ABCB10: variants seen among roughly 807,000 people sequenced by gnomAD.
ABCB10 encodes ATP binding cassette subfamily B member 10, also known as ATP-binding cassette sub-family B member 10, mitochondrial.
A neutral mutation model predicts 65.4 loss-of-function variants in ABCB10; 54 were observed. The ratio of observed to expected loss-of-function variants is 0.83; its 90% CI spans 0.66 to 1.04. ABCB10 has a LOEUF of 1.04. Among genes scored for constraint, ABCB10 ranks in the 50% least tolerant of loss-of-function variants. The probability of loss-of-function intolerance (pLI) is 0.00; values close to 1 mark genes in which losing one functional copy is unlikely to be tolerated. For missense variants in ABCB10, 846 were observed against 976.6 expected (o/e 0.87, Z 1.78); for synonymous variants, 418 against 406.5 (o/e 1.03, Z -0.34).
Position 229,547,680 on chromosome 1 carries a change from A to G in ABCB10, c.740T>C (p.Leu247Pro), listed in dbSNP as rs1663002388. 3 of 1,614,222 alleles carry G rather than the reference A, an allele frequency of 1.9e-6. No individual in the cohort carries two copies. Among genetic ancestry groups the G allele is most frequent in the Non-Finnish European group, 2.5e-6 (3 of 1,180,024 alleles). ...QTSGQRIVNR[L>P]RTSLFSSILR... is the part of the protein sequence containing the mutation. The stretch of plus-strand genomic sequence containing the variant: ...AATGGAGGAGAATAATGAAGTTCTC[A>G]GCCTATTCACAATGCGCTGACCTGC... The change falls in exon 3 of 13, where the codon CTG (leucine) becomes CCG (proline). Residue 247 changes from leucine (L) to proline (P), a missense_variant. By Grantham distance (98) the Leu-to-Pro change is moderately conservative. Coordinates refer to ENST00000344517, the MANE Select transcript of ABCB10 (RefSeq NM_012089.3).
intron 8 of ABCB10, among the ~76,000 whole-genome samples, chr1:229,529,667 C>CAAAAAAAA: frequency 4.3e-5 from 1 of 23,218 alleles, no homozygotes; most frequent in Non-Finnish European, 8.1e-5. Context: ...AAGACTGTCT[C>CAAAAAAAA]AAAAAAAAAA....
In ABCB10 at chr1:229,531,947, GTTTTTTTTTTT is replaced by G. The variant is rs34289048; in HGVS notation, c.1340-227_1340-217del. ...TGGCTTCTCCTCCTCCAGTTTCATAGTTTTTTTTTTTTTTTTTTTTTTTGAGACAGATCATC... is the reference window on the plus strand; with the variant it reads ...TGGCTTCTCCTCCTCCAGTTTCATAGTTTTTTTTTTTTGAGACAGATCATC... On this transcript the variant is annotated intron_variant, in intron 6 of 12. Transcript: ENST00000344517. 3.0e-5 allele frequency: 4 copies of G among 132,258 alleles called. No homozygotes were observed. In the South Asian group the frequency reaches 4.2e-4, roughly 14 times the overall value. The allele number at this position is 132,258 out of a possible 1,614,324, so 8.2% of individuals were successfully genotyped here.
intron 12 of ABCB10, 102 bp downstream of exon 12, chr1:229,518,739 T>A: frequency 9.3e-7 from 1 of 1,072,360 alleles, no homozygotes. Flanking sequence ...GGAAAAAGGA[T>A]TTTCAGTTGT....
In ABCB10 at chr1:229,531,674, C is replaced by G; in HGVS notation, c.1397G>C (p.Trp466Ser). 1.2e-6 allele frequency: 2 copies of G among 1,613,934 alleles called. No individual in the cohort carries two copies. The highest frequency in any genetic ancestry group is 2.2e-5 in the South Asian group (2 of 91,068). The part of the protein sequence containing the change: ...MKGLGAGGRL[W>S]ELLEREPKLP... ...CTTGGGCTCTCTCTCCAGGAGCTCC[C>G]AGAGGCGCCCCCCTGCACCCAGTCC... The change falls in exon 7 of 13, where the codon TGG becomes TCG. Residue 466 changes from tryptophan to serine, a missense_variant. By Grantham distance (177) the Trp-to-Ser change is radical. This residue lies in a region of ABCB10 where 632 missense variants were observed against 803.2 expected (regional missense o/e 0.79). Transcript: ENST00000344517.
intron 9 of ABCB10, 65 bp from the exon 10 acceptor site, chr1:229,526,181 A>G (rs1295773823): frequency 6.8e-7 from 1 of 1,460,114 alleles, no homozygotes; most frequent in African/African-American, 1.4e-5. Flanking sequence ...TAATAAATTT[A>G]GACCTAGCAG....
Position 229,530,353 on chromosome 1 carries a change from C to T in ABCB10, c.1491G>A (p.Val497=). Residue 497 remains valine (V), a synonymous_variant, in exon 8 of 13, where the codon GTG becomes GTA. Transcript: ENST00000344517. ...CTGGGCGAGCTGGATAGGCAAAATG[C>T]ACGTTCTTAAACTCCAAAGCACCCT... is the stretch of plus-strand genomic sequence containing the variant. ...SFQGALEFKN[V]HFAYPARPEV... The T allele has an allele frequency of 6.2e-7, 1 of 1,614,210 alleles. No individual in the cohort carries two copies. Among genetic ancestry groups the T allele is most frequent in the South Asian group, 1.1e-5 (1 of 91,084 alleles).
chr1:229,549,492 T>C lies in ABCB10; in HGVS notation c.518-58A>G, dbSNP rs1275030488. On this transcript the variant is annotated intron_variant, in intron 1 of 12. Coordinates refer to ENST00000344517, the MANE Select transcript of ABCB10 (RefSeq NM_012089.3). Reference sequence around the variant, plus strand: ...TGCTTCAGCAAAGGGGCTGCGGTGCTGAGTCCAGGAGGCTTCCTTGCCAAA... The same window carrying C: ...TGCTTCAGCAAAGGGGCTGCGGTGCCGAGTCCAGGAGGCTTCCTTGCCAAA... 5.3e-6 allele frequency: 8 copies of C among 1,522,052 alleles called. No homozygotes were observed. In the African/African-American group the frequency reaches 8.2e-5, roughly 16 times the overall value. The allele number at this position is 1,522,052 out of a possible 1,614,324, so 94.3% of individuals were successfully genotyped here.
chr1:229,547,898 T>TA (rs1301209474), intron 2 of ABCB10, among the ~76,000 whole-genome samples, 197 bp from the exon 3 acceptor site: 4 of 152,176 alleles, frequency 2.6e-5, no homozygotes, highest in Admixed American at 2.6e-4. Context: ...TGTCATGCAC[T>TA]ACTAACACTA....
intron 1 of ABCB10, among the ~76,000 whole-genome samples, chr1:229,554,824 G>A (rs889042852): frequency 6.6e-6 from 1 of 152,120 alleles, no homozygotes; most frequent in African/African-American, 2.4e-5. Flanking sequence ...CATCCTCACT[G>A]GGCTTCAGGA....
At position 229,549,216 on chromosome 1, in the gene ABCB10, G is replaced by A; in HGVS notation, c.718+18C>T. On this transcript the variant is annotated intron_variant, in intron 2 of 12. Transcript: ENST00000344517. ...CTTCTTCAGGATGACTCACATCCCT[G>A]AGAGGAGAGACTGTTACCTGAAGTT... 1 of 1,613,688 alleles carries A rather than the reference G, an allele frequency of 6.2e-7. No homozygotes were observed. The highest frequency in any genetic ancestry group is 8.5e-7 in the Non-Finnish European group (1 of 1,179,696).
At position 229,537,819 on chromosome 1, in the gene ABCB10, A is replaced by G. The variant is rs144366159; in HGVS notation, c.1339+1637T>C. 3.3e-5 allele frequency among the ~76,000 whole-genome samples: 5 copies of G among 152,304 alleles called. No individual in the cohort carries two copies. The East Asian group carries it at 9.6e-4, about 29-fold the overall frequency. On this transcript the variant is annotated intron_variant, in intron 6 of 12. Coordinates refer to ENST00000344517, the MANE Select transcript of ABCB10 (RefSeq NM_012089.3). ...TAAATAAACAAACAAACAAACAAAC[A>G]AACATAAAAGCACTTAAAATCTAAT...
chr1:229,529,745 G>A (rs1263097469), intron 8 of ABCB10, among the ~76,000 whole-genome samples: 1 of 151,206 alleles, frequency 6.6e-6, no homozygotes, highest in African/African-American at 2.4e-5. Context: ...AGCATTCAAT[G>A]GCTCACAGGC....
At chr1:229,526,515 C>A (rs1283679402) in intron 9 of ABCB10, among the ~76,000 whole-genome samples, 1 of 152,158 alleles carries the variant, frequency 6.6e-6, no homozygotes, top group Admixed American at 6.5e-5. Context: ...AATAAGCAAA[C>A]TTCCAGGCTC....
intron 10 of ABCB10, among the ~76,000 whole-genome samples, chr1:229,524,606 C>T (rs2102684216): frequency 6.6e-6 from 1 of 152,256 alleles, no homozygotes; most frequent in Non-Finnish European, 1.5e-5. Flanking sequence ...CTTCTCTCTC[C>T]TCAAAATATG....
intron 3 of ABCB10, among the ~76,000 whole-genome samples, chr1:229,545,041 T>C (rs1032902590): frequency 3.9e-5 from 6 of 152,210 alleles, no homozygotes; most frequent in African/African-American, 7.2e-5. Context: ...ACCTCCAGAA[T>C]TGTGAGAAAT....
At chr1:229,532,127 A>G (rs1662602546) in intron 6 of ABCB10, among the ~76,000 whole-genome samples, 1 of 149,966 alleles carries the variant, frequency 6.7e-6, no homozygotes, top group Non-Finnish European at 1.5e-5. Flanking sequence ...TAATTTTTTT[A>G]TTTTTAGTAG....
chr1:229,527,591 T>G (rs1662476554), intron 8 of ABCB10, among the ~76,000 whole-genome samples: 1 of 152,164 alleles, frequency 6.6e-6, no homozygotes, highest in Admixed American at 6.5e-5. Context: ...TGTAGGGAGT[T>G]TTCCCAAAAC....
In ABCB10 at chr1:229,530,355, C is replaced by T. The variant is rs773222168; in HGVS notation, c.1489G>A (p.Val497Met). The change falls in exon 8 of 13, where the codon GTG (valine) becomes ATG (methionine). Residue 497 changes from valine (V) to methionine (M), a missense_variant. Coordinates refer to ENST00000344517, the MANE Select transcript of ABCB10 (RefSeq NM_012089.3). Reference sequence around the variant, plus strand: ...GGGCGAGCTGGATAGGCAAAATGCACGTTCTTAAACTCCAAAGCACCCTGG... The same window carrying T: ...GGGCGAGCTGGATAGGCAAAATGCATGTTCTTAAACTCCAAAGCACCCTGG... ...SFQGALEFKNVHFAYPARPEV... is the reference protein window; with the variant it reads ...SFQGALEFKNMHFAYPARPEV... The T allele has an allele frequency of 2.7e-5, 43 of 1,614,176 alleles. No individual in the cohort carries two copies. Among genetic ancestry groups the T allele is most frequent in the East Asian group, 4.5e-5 (2 of 44,886 alleles).
At chr1:229,518,604 G>C (rs1366294558) in intron 12 of ABCB10, among the ~76,000 whole-genome samples, 194 bp from the exon 13 acceptor site, 2 of 152,176 alleles carry the variant, frequency 1.3e-5, no homozygotes, top group African/African-American at 4.8e-5. Context: ...ACAGCTTACA[G>C]AGTGATTAGG....
Sources: gnomAD v4.1 joint callset for allele counts (sites outside exome capture counted in the v4.1 genomes callset) on GRCh38, gnomAD v4.1.1 for gene constraint, gnomAD v4.1.1 regional missense constraint, MANE v1.5 for transcripts, NCBI Gene and HGNC (gene_info 2026-07-23, HGNC 2026-07-21) for gene names.